Variants in CDH6 observed in about 807,000 individuals in gnomAD.
CDH6 encodes cadherin 6.
CDH6 carries 31 observed loss-of-function variants against 78.0 expected under a neutral mutation model. The ratio of observed to expected loss-of-function variants is 0.40; its 90% CI spans 0.30 to 0.54. The LOEUF (loss-of-function observed/expected upper bound fraction) is 0.54, where lower values mean the gene tolerates loss of function less well. Among genes scored for constraint, CDH6 ranks in the 20% least tolerant of loss-of-function variants. The probability of loss-of-function intolerance (pLI) is 0.56; values close to 1 mark genes in which losing one functional copy is unlikely to be tolerated. For synonymous variants in CDH6, 376 were observed against 368.8 expected, an observed-to-expected ratio of 1.02 and a Z score of -0.23; for missense variants, 724 against 975.9, an observed-to-expected ratio of 0.74 and a Z score of 3.44.
chr5:31,199,471 C>A (rs1263601583), intron 1 of CDH6, among the ~76,000 whole-genome samples: 3 of 109,208 alleles, frequency 2.7e-5, no homozygotes, highest in Admixed American at 2.0e-4. Context: ...TATATACACA[C>A]ACATATGTGT....
In CDH6 at chr5:31,323,088, A is replaced by C; in HGVS notation, c.2153A>C (p.Gln718Pro). Residue 718 changes from glutamine (Q) to proline (P), a missense_variant, in exon 12 of 12, where the codon CAA (glutamine) becomes CCA (proline). Around this residue, in one of 3 missense-constraint regions of CDH6, gnomAD observed 220 missense variants for 240.6 expected, o/e 0.91. Coordinates refer to ENST00000265071, the MANE Select transcript of CDH6 (RefSeq NM_004932.4). The part of the protein sequence containing the change: ...DNTDVRDFIN[Q>P]RLKENDTDPT... ...ACCGATGTCAGAGATTTCATTAACC[A>C]AAGGTTAAAGGAAAATGACACGGAC... 1 of 1,614,138 alleles carries C rather than the reference A, an allele frequency of 6.2e-7. No individual in the cohort carries two copies. Among genetic ancestry groups the C allele is most frequent in the Non-Finnish European group, 8.5e-7 (1 of 1,180,016 alleles).
chr5:31,282,565 A>C (rs1415977446), intron 2 of CDH6, among the ~76,000 whole-genome samples: 1 of 152,128 alleles, frequency 6.6e-6, no homozygotes, highest in Non-Finnish European at 1.5e-5. Context: ...TCTTGATCAC[A>C]TGTGTAAAGT....
intron 2 of CDH6, among the ~76,000 whole-genome samples, chr5:31,269,046 T>C (rs754053821): frequency 6.6e-6 from 1 of 152,184 alleles, no homozygotes; most frequent in Non-Finnish European, 1.5e-5. Flanking sequence ...TCCATTTCCT[T>C]TGTGAAATCT....
Position 31,317,900 on chromosome 5 carries a change from C to T in CDH6, c.1858C>T (p.Leu620Phe), listed in dbSNP as rs773894273. ...GLSTGALVAI[L>F]LCIVILLVTV... ...GAGCACGGGGGCTCTGGTTGCCATC[C>T]TTCTGTGCATCGTGATCCTACTAGG... Residue 620 changes from leucine (L) to phenylalanine (F), a missense_variant, in exon 11 of 12, where the codon CTT becomes TTT. Physicochemically the swap from Leu to Phe is conservative, Grantham distance 22 (BLOSUM62 0). Transcript: ENST00000265071. The T allele has an allele frequency of 3.7e-6, 6 of 1,613,782 alleles. No individual in the cohort carries two copies. Among genetic ancestry groups the T allele is most frequent in the South Asian group, 2.2e-5 (2 of 91,082 alleles).
intron 1 of CDH6, among the ~76,000 whole-genome samples, chr5:31,203,127 T>C (rs888454937): frequency 2.0e-5 from 3 of 152,092 alleles, no homozygotes; most frequent in South Asian, 4.1e-4. Context: ...AAAAGATTAA[T>C]TCTATTAGTG....
intron 1 of CDH6, among the ~76,000 whole-genome samples, chr5:31,244,219 A>G (rs1579845830): frequency 6.6e-6 from 1 of 152,224 alleles, no homozygotes; most frequent in Non-Finnish European, 1.5e-5. Context: ...TTATCAAGAC[A>G]ATGTAGACAA....
Position 31,322,985 on chromosome 5 carries a change from G to T in CDH6, c.2050G>T (p.Glu684Ter). 2 of 1,614,178 alleles carry T rather than the reference G, an allele frequency of 1.2e-6. No homozygotes were observed. The highest frequency in any genetic ancestry group is 1.7e-6 in the Non-Finnish European group (2 of 1,180,036). The change falls in exon 12 of 12, where the codon GAG becomes TAG. Residue 684 changes from glutamate (E) to a stop codon, truncating the protein, a stop_gained. Transcript: ENST00000265071. LOFTEE classifies it high-confidence loss of function. ...CACCCTGAGGAATCCTGAAGCCATA[G>T]AGGACAACAAATTACGAAGGGACAT... is the stretch of plus-strand genomic sequence containing the variant. ...IGTLRNPEAI[E>*]DNKLRRDIVP...
At chr5:31,322,450 T>C (rs1306254142) in intron 11 of CDH6, among the ~76,000 whole-genome samples, 1 of 152,200 alleles carries the variant, frequency 6.6e-6, no homozygotes, top group African/African-American at 2.4e-5. Context: ...CAGAGCATTT[T>C]AGGTGTTCAG....
chr5:31,271,634 T>C (rs980364645), intron 2 of CDH6, among the ~76,000 whole-genome samples: 2 of 152,046 alleles, frequency 1.3e-5, no homozygotes, highest in African/African-American at 2.4e-5. Context: ...CTGTGTCGGG[T>C]AAGTTTCTGA....
rs767022233 is a variant in CDH6, at chr5:31,305,133, G to C, written c.1000-41G>C. ...TGTCTTGGCTTTCTGTGTCTTGGCT[G>C]CTTTAAATATGTCACTTCTTCCCCC... On this transcript the variant is annotated intron_variant, in intron 6 of 11. Coordinates refer to ENST00000265071, the MANE Select transcript of CDH6 (RefSeq NM_004932.4). The C allele has an allele frequency of 1.9e-6, 3 of 1,580,680 alleles. No individual in the cohort carries two copies. The South Asian group carries it at 3.5e-5, about 19-fold the overall frequency.
chr5:31,267,210 C>T (rs905031126), intron 1 of CDH6, 136 bp from the exon 2 acceptor site: 3 of 458,226 alleles, frequency 6.5e-6, no homozygotes, highest in African/African-American at 3.9e-5. Context: ...CCGTCTCCTT[C>T]GTTTCAAAAT....
intron 1 of CDH6, among the ~76,000 whole-genome samples, chr5:31,226,350 T>C (rs1025359986): frequency 3.9e-5 from 6 of 152,124 alleles, no homozygotes; most frequent in Non-Finnish European, 7.3e-5. Context: ...AATTTTTGTA[T>C]TTTTAATAGA....
At chr5:31,303,675 G>C (rs760658229) in intron 6 of CDH6, among the ~76,000 whole-genome samples, 1 of 152,082 alleles carries the variant, frequency 6.6e-6, no homozygotes, top group Non-Finnish European at 1.5e-5. Context: ...ATCATGTATG[G>C]TGTAATATTT....
intron 1 of CDH6, among the ~76,000 whole-genome samples, chr5:31,232,845 G>T (rs1247624598): frequency 6.6e-6 from 1 of 152,200 alleles, no homozygotes; most frequent in African/African-American, 2.4e-5. Flanking sequence ...ACCAGGCATT[G>T]TTCTAAGAGT....
intron 1 of CDH6, among the ~76,000 whole-genome samples, chr5:31,241,471 T>A (rs73758188): frequency 6.6e-6 from 1 of 152,254 alleles, no homozygotes; most frequent in East Asian, 1.9e-4. Context: ...AGGGGTTAGC[T>A]TTTAAGGGGC....
chr5:31,318,787 G>A lies in CDH6; in HGVS notation c.1882+863G>A, dbSNP rs73089397. 4.9e-3 allele frequency: 1,096 copies of A among 225,268 alleles called. 15 individuals are homozygous for A. The highest frequency in any genetic ancestry group is 0.022 in the African/African-American group (1,008 of 44,996). The allele number at this position is 225,268 out of a possible 1,614,324, so 14.0% of individuals were successfully genotyped here. On this transcript the variant is annotated intron_variant, in intron 11 of 11. Coordinates refer to ENST00000265071, the MANE Select transcript of CDH6 (RefSeq NM_004932.4). ...GTTAAGAGTCAACCTGAATTATACAGGGGGAAATACTCTTTTTTAAAAAAT... is the reference window on the plus strand; with the variant it reads ...GTTAAGAGTCAACCTGAATTATACAAGGGGAAATACTCTTTTTTAAAAAAT...
chr5:31,246,798 C>G (rs1741761027), intron 1 of CDH6, among the ~76,000 whole-genome samples: 1 of 152,160 alleles, frequency 6.6e-6, no homozygotes, highest in Non-Finnish European at 1.5e-5. Flanking sequence ...CTCTGCCACC[C>G]AGGCTGGAGT....
At chr5:31,312,509 G>A (rs2149957281) in intron 7 of CDH6, among the ~76,000 whole-genome samples, 1 of 152,274 alleles carries the variant, frequency 6.6e-6, no homozygotes, top group South Asian at 2.1e-4. Flanking sequence ...GACCAGCCCG[G>A]GCAAAATGGC....
Position 31,267,526 on chromosome 5 carries a change from C to T in CDH6, c.53C>T (p.Pro18Leu), listed in dbSNP as rs1266737695. Reference protein sequence around the residue: ...LLLFWVGQPYPTLSTPLSKRT... With the variant: ...LLLFWVGQPYLTLSTPLSKRT... ...CTCTTTTGGGTGGGCCAGCCCTACC[C>T]AACTCTCTCAACTCCACTATCAAAG... The change falls in exon 2 of 12, where the codon CCA becomes CTA. Residue 18 changes from proline to leucine, a missense_variant. Pro to Leu is a moderately conservative substitution (Grantham distance 98). Around this residue, in one of 3 missense-constraint regions of CDH6, gnomAD observed 58 missense variants for 50.8 expected, o/e 1.14. Coordinates refer to ENST00000265071, the MANE Select transcript of CDH6 (RefSeq NM_004932.4). The T allele has an allele frequency of 1.9e-6, 3 of 1,613,930 alleles. No individual in the cohort carries two copies. Among genetic ancestry groups the T allele is most frequent in the Non-Finnish European group, 2.5e-6 (3 of 1,180,006 alleles).
Sources: gnomAD v4.1 joint callset for allele counts (sites outside exome capture counted in the v4.1 genomes callset) on GRCh38, gnomAD v4.1.1 for gene constraint, gnomAD v4.1.1 regional missense constraint, MANE v1.5 for transcripts, NCBI Gene and HGNC (gene_info 2026-07-23, HGNC 2026-07-21) for gene names.